CELSR1: variants seen among roughly 807,000 people sequenced by gnomAD.
CELSR1 encodes the protein adhesion G protein-coupled receptor C1.
A neutral mutation model predicts 249.1 loss-of-function variants in CELSR1; 110 were observed. The ratio of observed to expected loss-of-function variants is 0.44; its 90% confidence interval spans 0.38 to 0.52. The LOEUF (loss-of-function observed/expected upper bound fraction) is 0.52, where lower values mean the gene tolerates loss of function less well. Among genes scored for constraint, CELSR1 ranks in the 20% least tolerant of loss-of-function variants. CELSR1 has a pLI of 0.00. For missense variants in CELSR1, 4,109 were observed against 4,296.4 expected (o/e 0.96, Z 1.22); for synonymous variants, 2,113 against 1,900.0 (o/e 1.11, Z -2.92).
intron 5 of CELSR1, among the ~76,000 whole-genome samples, chr22:46,432,339 G>A (rs2079605387): frequency 6.6e-6 from 1 of 152,214 alleles, no homozygotes; most frequent in Non-Finnish European, 1.5e-5. Context: ...GGCTGTGAAA[G>A]AAGGAAGATG....
rs1018164209 is a variant in CELSR1 at position 46,536,764 on chromosome 22, G to A, written c.407C>T (p.Pro136Leu). ...RLCGALCFPVPGGCAAAQHSA... is the reference protein window; with the variant it reads ...RLCGALCFPVLGGCAAAQHSA... The stretch of plus-strand genomic sequence containing the variant: ...ATGCTGCGCGGCCGCGCAGCCGCCG[G>A]GGACGGGGAAGCAGAGCGCCCCGCA... Residue 136 changes from proline to leucine, a missense_variant, in exon 1 of 35, where the codon CCC (proline) becomes CTC (leucine). Physicochemically the swap from Pro to Leu is moderately conservative, Grantham distance 98. Coordinates refer to ENST00000674500, the MANE Select transcript of CELSR1 (RefSeq NM_001378328.1). The A allele has an allele frequency of 3.4e-6, 4 of 1,183,882 alleles. No individual in the cohort carries two copies. Among genetic ancestry groups the A allele is most frequent in the Non-Finnish European group, 4.2e-6 (4 of 958,506 alleles). 73.3% of individuals were successfully genotyped at this position (1,183,882 alleles called of 1,614,324 possible). A position where few individuals can be genotyped will look rare whatever the true frequency, so the allele number is the denominator to read the frequency against.
rs2079622612 is a variant in CELSR1 at position 46,433,608 on chromosome 22, A to G, written c.4523-127T>C. On this transcript the variant is annotated intron_variant, in intron 4 of 34. Coordinates refer to ENST00000674500, the MANE Select transcript of CELSR1 (RefSeq NM_001378328.1). The surrounding 1 kb of genome is among the most constrained non-coding windows in gnomAD (Gnocchi z 5.7). ...TGGCCACGTCCTCCCTCCCCTCCCC[A>G]CGGCACCATGGTGGGAGGCGCCCAC... The G allele has an allele frequency of 1.5e-6, 1 of 653,546 alleles. No individual in the cohort carries two copies. The allele number at this position is 653,546 out of a possible 1,614,324, so 40.5% of individuals were successfully genotyped here. A position where few individuals can be genotyped will look rare whatever the true frequency, so the allele number is the denominator to read the frequency against.
chr22:46,533,857 T>C lies in CELSR1; in HGVS notation c.3314A>G (p.Gln1105Arg). 1.2e-6 allele frequency: 2 copies of C among 1,613,902 alleles called. No homozygotes were observed. Among genetic ancestry groups the C allele is most frequent in the South Asian group, 1.1e-5 (1 of 91,090 alleles). The change falls in exon 1 of 35, where the codon CAG (glutamine) becomes CGG (arginine). Residue 1105 changes from glutamine (Q) to arginine (R), a missense_variant. Gln to Arg is a conservative substitution (Grantham distance 43). Coordinates refer to ENST00000674500, the MANE Select transcript of CELSR1 (RefSeq NM_001378328.1). ...GGTGACATAGTTGTTGAAGAGGATC[T>C]GGAAGTCGGGCAGCACAGGCGGGTT... ...NDNPPVLPDF[Q>R]ILFNNYVTNK...
intron 1 of CELSR1, among the ~76,000 whole-genome samples, chr22:46,519,646 C>T (rs1051103440): frequency 6.6e-6 from 1 of 152,176 alleles, no homozygotes; most frequent in Non-Finnish European, 1.5e-5. Context: ...TACCCAGGGA[C>T]CCCCTCCCAT....
rs997864525 is a variant in CELSR1, at chr22:46,526,319, C to T, written c.3544+7308G>A. The stretch of plus-strand genomic sequence containing the variant: ...CTGCCCACTCCCAAAGCCCCTGAGA[C>T]GGGCCAGTGCCACGCTAGGCTGCAG... On this transcript the variant is annotated intron_variant, in intron 1 of 34. Coordinates refer to ENST00000674500, the MANE Select transcript of CELSR1 (RefSeq NM_001378328.1). This position sits in a 1 kb window ranked among gnomAD's most constrained non-coding sequence, Gnocchi z 4.7. Among the ~76,000 whole-genome samples the T allele has an allele frequency of 6.6e-5, 10 of 152,326 alleles. No homozygotes were observed. Among genetic ancestry groups the T allele is most frequent in the East Asian group, 5.8e-4 (3 of 5,180 alleles).
At chr22:46,455,765 T>G (rs983869100) in intron 2 of CELSR1, among the ~76,000 whole-genome samples, 1 of 152,234 alleles carries the variant, frequency 6.6e-6, no homozygotes, top group African/African-American at 2.4e-5. Context: ...GGACGCTAAT[T>G]CTGTTTATCA....
Position 46,398,643 on chromosome 22 carries a change from C to A in CELSR1, c.5413-6G>T. On this transcript the variant is annotated splice_polypyrimidine_tract_variant and splice_region_variant and intron_variant, in intron 10 of 34. Coordinates refer to ENST00000674500, the MANE Select transcript of CELSR1 (RefSeq NM_001378328.1). This position sits in a 1 kb window ranked among gnomAD's most constrained non-coding sequence, Gnocchi z 7.2. ...CCCCCGATATCTGCCTTGTTCTGTG[C>A]GGAGAGAGGGGCCGGGGATCTGGGG... 2 of 1,603,774 alleles carry A rather than the reference C, an allele frequency of 1.2e-6. No individual in the cohort carries two copies. The highest frequency in any genetic ancestry group is 8.5e-7 in the Non-Finnish European group (1 of 1,175,120).
intron 18 of CELSR1, 112 bp downstream of exon 18, chr22:46,389,178 G>T: frequency 8.4e-7 from 1 of 1,196,504 alleles, no homozygotes; most frequent in Non-Finnish European, 1.2e-6. Context: ...GGGGATCCTG[G>T]ACACAACCGT....
At chr22:46,366,212 G>GGGGAGGGAAGGTGCGGGGCA (rs1484143490) in intron 30 of CELSR1, among the ~76,000 whole-genome samples, 174 bp downstream of exon 30, 9 of 71,988 alleles carry the variant, frequency 1.3e-4, no homozygotes, top group African/African-American at 4.4e-4. Flanking sequence ...GGTGCGAGGC[G>GGGGAGGGAAGGTGCGGGGCA]GGGAGGGAAG....
intron 2 of CELSR1, among the ~76,000 whole-genome samples, chr22:46,450,785 G>C (rs1407401130): frequency 1.3e-5 from 2 of 152,154 alleles, no homozygotes; most frequent in East Asian, 3.9e-4. Context: ...CAGGACAGAG[G>C]TTTCCTGAGC....
intron 27 of CELSR1, 177 bp downstream of exon 27, chr22:46,369,002 G>C: frequency 1.8e-6 from 1 of 549,990 alleles, no homozygotes; most frequent in East Asian, 3.1e-5. Flanking sequence ...ACCTCCCCCA[G>C]CCCCTGCAGG....
intron 1 of CELSR1, among the ~76,000 whole-genome samples, chr22:46,498,112 G>A (rs1004562768): frequency 3.3e-5 from 5 of 151,714 alleles, no homozygotes; most frequent in Non-Finnish European, 7.4e-5. Context: ...GCTGGGTGTG[G>A]TGGCGCACAC....
intron 30 of CELSR1, 99 bp downstream of exon 30, chr22:46,366,287 G>A: frequency 1.2e-6 from 1 of 869,408 alleles, no homozygotes; most frequent in Non-Finnish European, 1.8e-6. Flanking sequence ...GGGGTGGAAG[G>A]TGATGTTGGT....
At position 46,409,232 on chromosome 22, in the gene CELSR1, C is replaced by T. The variant is rs150844695; in HGVS notation, c.5060-70G>A. On this transcript the variant is annotated intron_variant, in intron 8 of 34. Coordinates refer to ENST00000674500, the MANE Select transcript of CELSR1 (RefSeq NM_001378328.1). This position sits in a 1 kb window ranked among gnomAD's most constrained non-coding sequence, Gnocchi z 9.8. ...ACGGCCGCGGACTTGGCTGCAGGGG[C>T]GGGGGATGGGCCTGCAGGCTAGGCC... The T allele has an allele frequency of 1.8e-4, 272 of 1,542,086 alleles. 1 individual carries two copies. The East Asian group carries it at 4.3e-3, about 25-fold the overall frequency.
At chr22:46,470,029 G>T (rs1305846308) in intron 1 of CELSR1, among the ~76,000 whole-genome samples, 2 of 141,904 alleles carry the variant, frequency 1.4e-5, no homozygotes, top group East Asian at 4.1e-4. Flanking sequence ...GAAGTATGGT[G>T]TCACTTTAAC....
chr22:46,498,249 CAAAAAAAAAAAAAA>C (rs201495106), intron 1 of CELSR1, among the ~76,000 whole-genome samples: 21 of 57,816 alleles, frequency 3.6e-4, no homozygotes, highest in East Asian at 1.7e-3. Context: ...AACTCTGTCT[CAAAAAAAAAAAAAA>C]AAAAAAAAAA....
At chr22:46,467,343 T>C (rs1341006304) in intron 1 of CELSR1, among the ~76,000 whole-genome samples, 1 of 151,960 alleles carries the variant, frequency 6.6e-6, no homozygotes, top group South Asian at 2.1e-4. Context: ...CACCTAAAGG[T>C]CCATCAGCTG....
intron 1 of CELSR1, among the ~76,000 whole-genome samples, chr22:46,501,238 G>T (rs935309969): frequency 1.6e-5 from 2 of 128,842 alleles, no homozygotes; most frequent in East Asian, 2.2e-4. Context: ...ACAGAGTCTC[G>T]CTCTGTTGCC....
chr22:46,387,260 C>T (rs560478775), intron 18 of CELSR1, among the ~76,000 whole-genome samples: 1 of 152,330 alleles, frequency 6.6e-6, no homozygotes, highest in South Asian at 2.1e-4. Flanking sequence ...AAATCAACTA[C>T]ATGACATATA....
Sources: gnomAD v4.1 joint callset for allele counts (sites outside exome capture counted in the v4.1 genomes callset) on GRCh38, gnomAD v4.1.1 for gene constraint, Gnocchi (gnomAD v3.1) non-coding constraint, MANE v1.5 for transcripts, NCBI Gene and HGNC (gene_info 2026-07-23, HGNC 2026-07-21) for gene names.